Variants in GHR observed in about 807,000 individuals in gnomAD.
GHR encodes growth hormone receptor, also known as GH receptor.
GHR carries 35 observed loss-of-function variants against 67.1 expected under a neutral mutation model. The observed-to-expected ratio is 0.52, with a 90% CI of 0.40 to 0.69. The LOEUF (loss-of-function observed/expected upper bound fraction) is 0.69, where lower values mean the gene tolerates loss of function less well. Ranked by LOEUF, GHR falls within the 30% of genes least tolerant of loss-of-function variation. The pLI is 0.00. For synonymous variants in GHR, 272 were observed against 269.1 expected, an observed-to-expected ratio of 1.01 and a Z score of -0.10; for missense variants, 792 against 764.6, an observed-to-expected ratio of 1.04 and a Z score of -0.42.
intron 1 of GHR, among the ~76,000 whole-genome samples, chr5:42,500,265 A>G (rs1241088137): frequency 6.6e-6 from 1 of 152,336 alleles, no homozygotes; most frequent in African/African-American, 2.4e-5. Flanking sequence ...TTACATGAGC[A>G]AAACAAAACA....
At chr5:42,548,101 A>C in intron 1 of GHR, 1 of 985,422 alleles carries the variant, frequency 1.0e-6, no homozygotes, top group Non-Finnish European at 1.2e-6. Context: ...ACTCCAGCCT[A>C]GGCCTGGCCT....
chr5:42,707,226 C>A (rs1292585175), intron 6 of GHR, among the ~76,000 whole-genome samples: 2 of 151,962 alleles, frequency 1.3e-5, no homozygotes, highest in African/African-American at 2.4e-5. Flanking sequence ...ACCGCCCCCC[C>A]AAACACATTT....
At chr5:42,592,196 G>A (rs1158329387) in intron 2 of GHR, among the ~76,000 whole-genome samples, 1 of 152,182 alleles carries the variant, frequency 6.6e-6, no homozygotes, top group Non-Finnish European at 1.5e-5. Context: ...TTTGTGCCGA[G>A]CAGGTGCTTG....
intron 3 of GHR, among the ~76,000 whole-genome samples, chr5:42,685,166 T>A (rs1290621698): frequency 6.6e-6 from 1 of 152,118 alleles, no homozygotes; most frequent in African/African-American, 2.4e-5. Context: ...ATTGTTCAAC[T>A]CCCACTTATA....
At chr5:42,547,210 C>T (rs1384447373) in intron 1 of GHR, among the ~76,000 whole-genome samples, 1 of 152,152 alleles carries the variant, frequency 6.6e-6, no homozygotes, top group Non-Finnish European at 1.5e-5. Context: ...TGGTTTATTG[C>T]ATATAAACAT....
intron 2 of GHR, among the ~76,000 whole-genome samples, chr5:42,595,704 A>G (rs1268533062): frequency 6.6e-6 from 1 of 152,244 alleles, no homozygotes; most frequent in Non-Finnish European, 1.5e-5. Context: ...CAAGCAGGGT[A>G]ACTGTATCAG....
At chr5:42,440,543 G>A (rs1221531513) in intron 1 of GHR, among the ~76,000 whole-genome samples, 1 of 152,144 alleles carries the variant, frequency 6.6e-6, no homozygotes, top group Non-Finnish European at 1.5e-5. Context: ...CGATGATGTA[G>A]GCTGTATTTT....
intron 3 of GHR, among the ~76,000 whole-genome samples, chr5:42,653,314 C>A (rs1411900712): frequency 6.6e-6 from 1 of 152,082 alleles, no homozygotes; most frequent in Non-Finnish European, 1.5e-5. Flanking sequence ...TCTCAGGCTG[C>A]AAGATAACGT....
chr5:42,608,971 TA>T (rs1278670417), intron 2 of GHR, among the ~76,000 whole-genome samples: 1 of 152,112 alleles, frequency 6.6e-6, no homozygotes, highest in African/African-American at 2.4e-5. Context: ...AATTTAAAAA[TA>T]AAAACTTAAT....
At chr5:42,607,343 C>G (rs1752677645) in intron 2 of GHR, among the ~76,000 whole-genome samples, 1 of 152,180 alleles carries the variant, frequency 6.6e-6, no homozygotes, top group Non-Finnish European at 1.5e-5. Flanking sequence ...GGTCCCAACC[C>G]TTTAACTTCT....
chr5:42,679,974 A>C (rs1332895375), intron 3 of GHR, among the ~76,000 whole-genome samples: 1 of 152,220 alleles, frequency 6.6e-6, no homozygotes, highest in South Asian at 2.1e-4. Flanking sequence ...TTGCTCATCA[A>C]ACCTTTGAAG....
At chr5:42,553,943 T>C (rs1749171259) in intron 1 of GHR, among the ~76,000 whole-genome samples, 1 of 152,132 alleles carries the variant, frequency 6.6e-6, no homozygotes, top group Admixed American at 6.5e-5. Context: ...GCACATTAAT[T>C]GATTGGTTGA....
At chr5:42,592,146 T>G (rs1217153800) in intron 2 of GHR, among the ~76,000 whole-genome samples, 5 of 152,192 alleles carry the variant, frequency 3.3e-5, no homozygotes, top group African/African-American at 1.2e-4. Flanking sequence ...TGGTAGTTTT[T>G]GGAGCAAAAG....
At chr5:42,637,192 G>C (rs1199161658) in intron 3 of GHR, among the ~76,000 whole-genome samples, 3 of 152,136 alleles carry the variant, frequency 2.0e-5, no homozygotes, top group Non-Finnish European at 4.4e-5. Flanking sequence ...CAGTGGCAGA[G>C]TGGAGTAGCT....
intron 3 of GHR, among the ~76,000 whole-genome samples, chr5:42,658,093 G>A (rs984521490): frequency 6.6e-6 from 1 of 152,168 alleles, no homozygotes. Context: ...ATATAAATTA[G>A]GGTAAAAGAG....
At position 42,703,508 on chromosome 5, in the gene GHR, G is replaced by C. The variant is rs537805353; in HGVS notation, c.618+3506G>C. Among the ~76,000 whole-genome samples the C allele has an allele frequency of 1.2e-4, 19 of 152,012 alleles. No homozygotes were observed. In the South Asian group the frequency reaches 3.5e-3, roughly 28 times the overall value. ...TGATGATTTCATCCTTGTTCTTCTT[G>C]TTCAAGATTGCTTTGGCTATTCATA... On this transcript the variant is annotated intron_variant, in intron 6 of 9. Transcript: ENST00000230882.
chr5:42,495,410 C>T (rs529319616), intron 1 of GHR, among the ~76,000 whole-genome samples: 43 of 152,174 alleles, frequency 2.8e-4, no homozygotes, highest in African/African-American at 9.9e-4. Context: ...TTTTTTTCCA[C>T]CAGGATTACA....
At chr5:42,494,452 G>C (rs1238449917) in intron 1 of GHR, among the ~76,000 whole-genome samples, 1 of 152,000 alleles carries the variant, frequency 6.6e-6, no homozygotes, top group Non-Finnish European at 1.5e-5. Flanking sequence ...GTCCTCTTCT[G>C]CTTAAAACTC....
At chr5:42,518,412 A>G (rs1274471275) in intron 1 of GHR, among the ~76,000 whole-genome samples, 1 of 152,176 alleles carries the variant, frequency 6.6e-6, no homozygotes, top group Admixed American at 6.5e-5. Context: ...TGGAAGACAT[A>G]TGCAAAAAGA....
Sources: allele counts gnomAD v4.1 joint callset (sites outside exome capture counted in the v4.1 genomes callset), GRCh38; gene constraint gnomAD v4.1.1; transcripts MANE v1.5; gene names NCBI Gene and HGNC (gene_info 2026-07-23, HGNC 2026-07-21).